The following GPHN variants were observed in gnomAD, a reference collection of about 807,000 sequenced individuals.
GPHN encodes the protein gephyrin.
GPHN carries 17 observed loss-of-function variants against 95.5 expected under a neutral mutation model. The observed-to-expected ratio is 0.18, with a 90% CI of 0.12 to 0.27. GPHN has a LOEUF of 0.27. Among genes scored for constraint, GPHN ranks in the 10% least tolerant of loss-of-function variants. The pLI is 1.00. For missense variants in GPHN, 660 were observed against 978.1 expected (o/e 0.67, Z 4.34); for synonymous variants, 320 against 322.5 (o/e 0.99, Z 0.08).
the GPHN span, among the ~76,000 whole-genome samples, chr14:67,582,435 G>C: frequency 6.6e-6 from 1 of 152,092 alleles, no homozygotes; most frequent in Non-Finnish European, 1.5e-5. The surrounding 1 kb of genome is among the most constrained non-coding windows in gnomAD (Gnocchi z 5.0). Context: ...CAGAGACCTG[G>C]GTTTGAGTCC....
At chr14:67,275,809 G>T in the GPHN span, among the ~76,000 whole-genome samples, 1 of 152,122 alleles carries the variant, frequency 6.6e-6, no homozygotes, top group East Asian at 1.9e-4. Context: ...GCTATTATTG[G>T]TGTATTCAGG....
chr14:67,426,489 G>A, the GPHN span, among the ~76,000 whole-genome samples: 41 of 152,314 alleles, frequency 2.7e-4, 1 homozygote, highest in South Asian at 8.5e-3. Context: ...ACAAGTGGCC[G>A]GTGCGATTGC....
chr14:67,391,306 ACTTT>A, the GPHN span, among the ~76,000 whole-genome samples: 2 of 106,368 alleles, frequency 1.9e-5, no homozygotes, highest in Admixed American at 1.9e-4. Flanking sequence ...TGTGTGTGTG[ACTTT>A]CTTTGGCCTC....
At chr14:66,553,776 C>T (rs560306669) in intron 1 of GPHN, among the ~76,000 whole-genome samples, 2 of 152,174 alleles carry the variant, frequency 1.3e-5, no homozygotes, top group Non-Finnish European at 2.9e-5. Context: ...GGGGTTTCAC[C>T]TTGTTGGCCA....
At chr14:67,474,015 G>A in the GPHN span, 4 of 1,428,088 alleles carry the variant, frequency 2.8e-6, no homozygotes, top group Non-Finnish European at 3.7e-6. Flanking sequence ...CGCTTTGGGA[G>A]GCCGAGGCGG....
At position 66,870,576 on chromosome 14, in the gene GPHN, C is replaced by A. The variant is rs373921304; in HGVS notation, c.295-9363C>A. Among the ~76,000 whole-genome samples, 71 of 152,198 alleles carry A rather than the reference C, an allele frequency of 4.7e-4. No homozygotes were observed. In the East Asian group the frequency reaches 7.7e-3, roughly 17 times the overall value. On this transcript the variant is annotated intron_variant, in intron 4 of 22. Transcript: ENST00000478722. Reference sequence around the variant, plus strand: ...ATCCATCCATCTATATATTTTTATACCCTGAAAAATATTTTAGATGGCTTA... The same window carrying A: ...ATCCATCCATCTATATATTTTTATAACCTGAAAAATATTTTAGATGGCTTA...
At chr14:67,611,942 A>G in the GPHN span, among the ~76,000 whole-genome samples, 1 of 152,176 alleles carries the variant, frequency 6.6e-6, no homozygotes, top group African/African-American at 2.4e-5. Flanking sequence ...GGTCCCATCC[A>G]TGGGTGATGG....
chr14:67,519,867 C>T, the GPHN span, among the ~76,000 whole-genome samples: 1 of 152,122 alleles, frequency 6.6e-6, no homozygotes, highest in Admixed American at 6.5e-5. Context: ...GGACTACAGG[C>T]GTACGCCACC....
intron 4 of GPHN, among the ~76,000 whole-genome samples, chr14:66,843,405 G>T (rs754185891): frequency 4.6e-5 from 7 of 152,094 alleles, no homozygotes; most frequent in Non-Finnish European, 1.0e-4. Context: ...TAGCATTTCT[G>T]CTATCATCTA....
the GPHN span, among the ~76,000 whole-genome samples, chr14:67,443,458 T>C: frequency 6.6e-6 from 1 of 151,958 alleles, no homozygotes; most frequent in Non-Finnish European, 1.5e-5. Flanking sequence ...TTCAAGCCGA[T>C]GGCAAGGCAC....
At chr14:66,750,302 C>A (rs997844149) in intron 2 of GPHN, among the ~76,000 whole-genome samples, 3 of 151,774 alleles carry the variant, frequency 2.0e-5, no homozygotes, top group African/African-American at 7.3e-5. Flanking sequence ...CACATCATGT[C>A]TTTTAAGATT....
chr14:67,335,263 CTG>C, the GPHN span: 1 of 152,184 alleles, frequency 6.6e-6, no homozygotes, highest in Non-Finnish European at 1.5e-5. Flanking sequence ...AAAGTGAAAA[CTG>C]AGTTGTTGCT....
intron 1 of GPHN, among the ~76,000 whole-genome samples, chr14:66,510,607 G>T (rs1429592556): frequency 1.3e-5 from 2 of 152,168 alleles, no homozygotes; most frequent in Non-Finnish European, 2.9e-5. Context: ...AACTGCAAAA[G>T]AAATTCCGTA....
At chr14:66,582,237 A>G (rs1246145594) in intron 1 of GPHN, among the ~76,000 whole-genome samples, 1 of 152,132 alleles carries the variant, frequency 6.6e-6, no homozygotes, top group Non-Finnish European at 1.5e-5. Context: ...GGAATATTGC[A>G]ACATTTATAA....
chr14:67,292,831 G>A, the GPHN span: 12 of 764,428 alleles, frequency 1.6e-5, no homozygotes, highest in East Asian at 2.5e-4. Context: ...ATTAATTACT[G>A]TTAATTACAT....
At chr14:66,617,081 A>G (rs6573690) in intron 1 of GPHN, among the ~76,000 whole-genome samples, 150,063 of 152,288 alleles carry the variant, frequency 0.99, 73,962 homozygotes, top group Middle Eastern at 1. Flanking sequence ...TGGGGGAAGC[A>G]CGTTGTCTGG....
chr14:67,586,484 C>T, the GPHN span: 7 of 1,107,094 alleles, frequency 6.3e-6, no homozygotes, highest in Non-Finnish European at 8.5e-6. Context: ...CTGGGTTCTG[C>T]TGACCCAACA....
At chr14:66,907,084 C>G (rs367839461) in intron 5 of GPHN, among the ~76,000 whole-genome samples, 1 of 152,102 alleles carries the variant, frequency 6.6e-6, no homozygotes. Flanking sequence ...AGATATTTAA[C>G]CAATTTATGT....
the GPHN span, among the ~76,000 whole-genome samples, chr14:67,542,286 C>A: frequency 6.6e-6 from 1 of 152,198 alleles, no homozygotes. Flanking sequence ...TTCTATTATT[C>A]CCTTAACGTT....
Sources: allele counts gnomAD v4.1 joint callset (sites outside exome capture counted in the v4.1 genomes callset), GRCh38; gene constraint gnomAD v4.1.1; non-coding constraint Gnocchi (gnomAD v3.1); transcripts MANE v1.5; gene names NCBI Gene and HGNC (gene_info 2026-07-23, HGNC 2026-07-21).